Variants in SRGAP2 observed in about 807,000 individuals in gnomAD.
SRGAP2 encodes SLIT-ROBO Rho GTPase activating protein 2, also known as SLIT-ROBO Rho GTPase-activating protein 2.
In SRGAP2, 15 loss-of-function variants were observed where a neutral mutation model predicts 57.2. The ratio of observed to expected loss-of-function variants is 0.26; its 90% CI spans 0.18 to 0.40. The LOEUF is 0.40. SRGAP2 is among the 10% of genes least tolerant of loss of function. The pLI is 1.00. For missense variants in SRGAP2, 520 were observed against 669.6 expected, an observed-to-expected ratio of 0.78 and a Z score of 2.47; for synonymous variants, 249 against 248.0, an observed-to-expected ratio of 1.00 and a Z score of -0.04.
chr1:206,262,871 C>T lies in SRGAP2; in HGVS notation c.68-40410C>T, dbSNP rs1330253589. On this transcript the variant is annotated intron_variant, in intron 2 of 22. Coordinates refer to ENST00000573034, the MANE Select transcript of SRGAP2 (RefSeq NM_015326.5). ...GGGATTTCAGTGAACAGGGTTTTAT[C>T]GTGGGTTTTGTTTTTTTTTTTTTTG... Among the ~76,000 whole-genome samples, 2 of 100,856 alleles carry T rather than the reference C, an allele frequency of 2.0e-5. 1 individual carries two copies. The highest frequency in any genetic ancestry group is 3.8e-5 in the Non-Finnish European group (2 of 52,684). 66.2% of individuals were successfully genotyped at this position (100,856 alleles called of 152,430 possible). A position where few individuals can be genotyped will look rare whatever the true frequency, so the allele number is the denominator to read the frequency against.
chr1:206,446,740 G>A (rs1192559241), intron 18 of SRGAP2, among the ~76,000 whole-genome samples: 6 of 152,304 alleles, frequency 3.9e-5, no homozygotes, highest in Admixed American at 1.3e-4. Flanking sequence ...TTTCCTGACC[G>A]TGAGTTTGTA....
intron 13 of SRGAP2, among the ~76,000 whole-genome samples, chr1:206,428,004 A>C (rs1339866028): frequency 2.6e-5 from 4 of 152,184 alleles, no homozygotes; most frequent in African/African-American, 9.7e-5. Context: ...CAGGAGGCTG[A>C]GGCAGGAGGA....
intron 4 of SRGAP2, among the ~76,000 whole-genome samples, chr1:206,355,969 A>AAAATAAAT (rs71568097): frequency 6.6e-6 from 1 of 151,156 alleles, no homozygotes; most frequent in Non-Finnish European, 1.5e-5. Flanking sequence ...TCCGACTCAA[A>AAAATAAAT]AAATAAATAA....
At chr1:206,419,437 A>C in intron 12 of SRGAP2, 37 bp downstream of exon 12, 2 of 780,602 alleles carry the variant, frequency 2.6e-6, no homozygotes, top group Non-Finnish European at 4.8e-6. Flanking sequence ...GAAGTGATAG[A>C]GGCTTGGTGG....
chr1:206,417,861 T>A (rs1558409757), intron 11 of SRGAP2, among the ~76,000 whole-genome samples: 1 of 151,958 alleles, frequency 6.6e-6, no homozygotes, highest in Admixed American at 6.6e-5. Context: ...AGAAAATCTT[T>A]ACTCTTGGGT....
intron 2 of SRGAP2, chr1:206,296,787 A>T (rs1212120800): frequency 2.0e-5 from 3 of 151,608 alleles, no homozygotes; most frequent in Non-Finnish European, 4.4e-5. Context: ...TATCAGTCAC[A>T]CTCTTTGAGG....
intron 3 of SRGAP2, among the ~76,000 whole-genome samples, chr1:206,313,972 G>C (rs1369522068): frequency 6.6e-6 from 1 of 151,838 alleles, no homozygotes; most frequent in African/African-American, 2.4e-5. Flanking sequence ...ATTGCTGACT[G>C]ATGGGATTCA....
chr1:206,439,458 C>G (rs1242856867), intron 16 of SRGAP2, among the ~76,000 whole-genome samples: 1 of 152,020 alleles, frequency 6.6e-6, no homozygotes, highest in Non-Finnish European at 1.5e-5. Context: ...GTGAGCAGGA[C>G]AGGCCTCTTG....
intron 5 of SRGAP2, among the ~76,000 whole-genome samples, chr1:206,386,859 T>C (rs1553348762): frequency 6.8e-6 from 1 of 147,570 alleles, no homozygotes; most frequent in Non-Finnish European, 1.5e-5. Context: ...GCACAGTGGC[T>C]CATGCCCGTA....
chr1:206,346,922 T>C (rs566898529), intron 4 of SRGAP2, among the ~76,000 whole-genome samples: 1 of 152,016 alleles, frequency 6.6e-6, no homozygotes, highest in South Asian at 2.1e-4. Flanking sequence ...CATCGCTGTT[T>C]TATGAAGGAA....
At chr1:206,311,358 T>A (rs1164832363) in intron 3 of SRGAP2, among the ~76,000 whole-genome samples, 2 of 152,152 alleles carry the variant, frequency 1.3e-5, no homozygotes, top group Non-Finnish European at 2.9e-5. Flanking sequence ...GAAGAGAGAT[T>A]TCTTCTGATT....
intron 21 of SRGAP2, 47 bp downstream of exon 21, chr1:206,455,071 C>T (rs558443543): frequency 1.3e-6 from 1 of 779,584 alleles, no homozygotes; most frequent in East Asian, 2.4e-5. Flanking sequence ...ACTTGCAACA[C>T]CCAGCCTCAC....
intron 21 of SRGAP2, among the ~76,000 whole-genome samples, chr1:206,457,952 G>A (rs926690461): frequency 6.6e-6 from 1 of 152,202 alleles, no homozygotes; most frequent in African/African-American, 2.4e-5. Context: ...AAGCCATTTT[G>A]TCTGAGAGCC....
intron 10 of SRGAP2, among the ~76,000 whole-genome samples, chr1:206,410,026 G>A (rs751351311): frequency 3.3e-5 from 5 of 152,162 alleles, no homozygotes; most frequent in South Asian, 4.1e-4. Flanking sequence ...ACTTGAACCC[G>A]GGAAGCGGAG....
intron 2 of SRGAP2, among the ~76,000 whole-genome samples, chr1:206,237,378 T>A: frequency 6.6e-6 from 1 of 152,326 alleles, no homozygotes; most frequent in East Asian, 1.9e-4. Context: ...ATCTTTCAAG[T>A]AGAGTTCAGT....
At chr1:206,242,272 AC>A (rs1668283936) in intron 2 of SRGAP2, among the ~76,000 whole-genome samples, 1 of 151,478 alleles carries the variant, frequency 6.6e-6, no homozygotes, top group Non-Finnish European at 1.5e-5. Flanking sequence ...GTTCTGTTGT[AC>A]TTGTAAGGAA....
Position 206,220,931 on chromosome 1 carries a change from C to G in SRGAP2, c.67+14894C>G, listed in dbSNP as rs567272725. Among the ~76,000 whole-genome samples, 794 of 146,332 alleles carry G rather than the reference C, an allele frequency of 5.4e-3. 2 individuals carry two copies. Among genetic ancestry groups the G allele is most frequent in the South Asian group, 9.9e-3 (43 of 4,350 alleles). ...AACCTGGCAGCCATTTATTTAGCAC[C>G]TACTGTATGTTGTCTTTTTTTTTTT... On this transcript the variant is annotated intron_variant, in intron 2 of 22. Coordinates refer to ENST00000573034, the MANE Select transcript of SRGAP2 (RefSeq NM_015326.5).
At chr1:206,313,893 C>G (rs1170102994) in intron 3 of SRGAP2, among the ~76,000 whole-genome samples, 1 of 151,380 alleles carries the variant, frequency 6.6e-6, no homozygotes, top group Non-Finnish European at 1.5e-5. Flanking sequence ...AGATACCCAC[C>G]CCTGTACTCC....
intron 2 of SRGAP2, among the ~76,000 whole-genome samples, chr1:206,291,081 G>A (rs1362699100): frequency 6.6e-6 from 1 of 151,410 alleles, no homozygotes; most frequent in Admixed American, 6.6e-5. Context: ...GAAGGAATTC[G>A]GGGATTCTTT....
Sources: gnomAD v4.1 joint callset for allele counts (sites outside exome capture counted in the v4.1 genomes callset) on GRCh38, gnomAD v4.1.1 for gene constraint, MANE v1.5 for transcripts, NCBI Gene and HGNC (gene_info 2026-07-23, HGNC 2026-07-21) for gene names.